EPB41: variants seen among roughly 807,000 people sequenced by gnomAD.
EPB41 encodes protein 4.1.
EPB41 carries 65 observed loss-of-function variants against 108.0 expected under a neutral mutation model. The ratio of observed to expected loss-of-function variants is 0.60; its 90% CI spans 0.49 to 0.74. The LOEUF (loss-of-function observed/expected upper bound fraction) is 0.74, where lower values mean the gene tolerates loss of function less well. Among genes scored for constraint, EPB41 ranks in the 30% least tolerant of loss-of-function variants. EPB41 has a pLI of 0.00. For synonymous variants in EPB41, 336 were observed against 358.9 expected (o/e 0.94, Z 0.72); for missense variants, 875 against 1,037.0 (o/e 0.84, Z 2.15).
intron 4 of EPB41, among the ~76,000 whole-genome samples, chr1:29,007,932 ATTTCT>A (rs2096435261): frequency 6.6e-6 from 1 of 152,104 alleles, no homozygotes; most frequent in African/African-American, 2.4e-5. Flanking sequence ...TCTGGTCCAA[ATTTCT>A]TTTCTGAGTG....
chr1:28,988,175 A>ATC, intron 2 of EPB41, among the ~76,000 whole-genome samples: 3 of 152,288 alleles, frequency 2.0e-5, no homozygotes, highest in Middle Eastern at 6.8e-3. Context: ...AGACAGGAGA[A>ATC]GTTGAACTCG....
At position 29,011,833 on chromosome 1, in the gene EPB41, C is replaced by T. The variant is rs148230602; in HGVS notation, c.787-32C>T. The T allele has an allele frequency of 3.1e-6, 5 of 1,613,462 alleles. No individual in the cohort carries two copies. The Admixed American group carries it at 8.3e-5, about 27-fold the overall frequency. On this transcript the variant is annotated intron_variant, in intron 4 of 20. Coordinates refer to ENST00000343067, the MANE Select transcript of EPB41 (RefSeq NM_001376013.1). Reference sequence around the variant, plus strand: ...ACTCTGTTGTTTATGTGTTTTGGAGCTCTGTGTGAATGCCTTTTCTCCTTT... The same window carrying T: ...ACTCTGTTGTTTATGTGTTTTGGAGTTCTGTGTGAATGCCTTTTCTCCTTT...
intron 5 of EPB41, among the ~76,000 whole-genome samples, chr1:29,014,491 TC>T (rs1424810964): frequency 6.6e-6 from 1 of 151,988 alleles, no homozygotes; most frequent in Admixed American, 6.6e-5. Flanking sequence ...CAGTTTTCGT[TC>T]CTGGAAGCAA....
At chr1:28,905,779 A>G (rs1212308802) in intron 1 of EPB41, among the ~76,000 whole-genome samples, 7 of 150,852 alleles carry the variant, frequency 4.6e-5, no homozygotes, top group Non-Finnish European at 1.0e-4. Context: ...ACTTATTTGC[A>G]GTCTCTCTTA....
At chr1:29,011,006 T>C (rs2096489864) in intron 4 of EPB41, among the ~76,000 whole-genome samples, 1 of 151,338 alleles carries the variant, frequency 6.6e-6, no homozygotes, top group African/African-American at 2.4e-5. Context: ...TAATCCCAGC[T>C]ACTCAGGAGG....
chr1:28,923,106 CTTTTCTTTT>C (rs954707969), intron 1 of EPB41, among the ~76,000 whole-genome samples: 7 of 114,712 alleles, frequency 6.1e-5, no homozygotes, highest in African/African-American at 2.6e-4. Context: ...CCTTTCTTTT[CTTTTCTTTT>C]TTTTTTTTTT....
chr1:28,908,459 T>C (rs1273210836), intron 1 of EPB41, among the ~76,000 whole-genome samples: 3 of 149,634 alleles, frequency 2.0e-5, no homozygotes, highest in Non-Finnish European at 4.4e-5. Flanking sequence ...TGAGATAGAG[T>C]CTTGCCCTGT....
At chr1:28,922,494 G>A (rs558266785) in intron 1 of EPB41, among the ~76,000 whole-genome samples, 10 of 152,028 alleles carry the variant, frequency 6.6e-5, no homozygotes, top group African/African-American at 2.4e-4. Context: ...GTGCAGTGGG[G>A]CAATCATGGC....
At chr1:28,974,137 T>C (rs1365213582) in intron 1 of EPB41, among the ~76,000 whole-genome samples, 1 of 152,208 alleles carries the variant, frequency 6.6e-6, no homozygotes, top group Non-Finnish European at 1.5e-5. Flanking sequence ...CTCTCTAAAA[T>C]AGATTGCTCA....
intron 16 of EPB41, among the ~76,000 whole-genome samples, chr1:29,090,030 A>G (rs1033816034): frequency 1.3e-5 from 2 of 152,094 alleles, no homozygotes; most frequent in African/African-American, 4.8e-5. Context: ...TTGGGAGGCT[A>G]TGGTGGGCAG....
chr1:28,939,160 G>A (rs1301261597), intron 1 of EPB41, among the ~76,000 whole-genome samples: 1 of 152,046 alleles, frequency 6.6e-6, no homozygotes, highest in East Asian at 1.9e-4. Context: ...ATCAGGTTGA[G>A]GAAATTCCTT....
chr1:29,079,757 G>A (rs990915858), intron 16 of EPB41, among the ~76,000 whole-genome samples: 6 of 152,152 alleles, frequency 3.9e-5, no homozygotes, highest in African/African-American at 1.4e-4. Flanking sequence ...CACTTTGGGA[G>A]GCTGAGGTGG....
intron 1 of EPB41, among the ~76,000 whole-genome samples, chr1:28,958,819 C>CAAAAAAA (rs35105287): frequency 1.5e-5 from 1 of 65,756 alleles, no homozygotes; most frequent in African/African-American, 5.8e-5. Flanking sequence ...ACCCTGTCTC[C>CAAAAAAA]AAAAAAAAAA....
At chr1:28,908,568 A>G (rs2147981683) in intron 1 of EPB41, among the ~76,000 whole-genome samples, 1 of 150,194 alleles carries the variant, frequency 6.7e-6, no homozygotes. Flanking sequence ...AGCAGCTGGG[A>G]TTACAGGCGT....
chr1:29,005,690 A>G (rs2096388266), intron 4 of EPB41, among the ~76,000 whole-genome samples: 1 of 152,180 alleles, frequency 6.6e-6, no homozygotes, highest in South Asian at 2.1e-4. Context: ...GGAGAAGATA[A>G]TAACAGATAT....
chr1:29,085,431 C>T (rs987040456), intron 16 of EPB41, among the ~76,000 whole-genome samples: 1 of 152,044 alleles, frequency 6.6e-6, no homozygotes, highest in African/African-American at 2.4e-5. Context: ...AGGCGTGAGC[C>T]ACCACACCTG....
intron 16 of EPB41, among the ~76,000 whole-genome samples, chr1:29,079,781 G>A (rs1324412876): frequency 6.6e-6 from 1 of 152,072 alleles, no homozygotes; most frequent in East Asian, 1.9e-4. Context: ...GATCACCTGA[G>A]GTCAGGAGTT....
chr1:28,938,460 T>A (rs1418879258), intron 1 of EPB41, among the ~76,000 whole-genome samples: 1 of 152,192 alleles, frequency 6.6e-6, no homozygotes, highest in African/African-American at 2.4e-5. Context: ...TTATTTTGCA[T>A]GCTAAATGGA....
At chr1:29,087,163 C>T (rs920095193) in intron 16 of EPB41, among the ~76,000 whole-genome samples, 24 of 151,632 alleles carry the variant, frequency 1.6e-4, no homozygotes, top group Admixed American at 3.9e-4. Context: ...GGATGGTCTC[C>T]ATCTCCTGAC....
Sources: allele counts gnomAD v4.1 joint callset (sites outside exome capture counted in the v4.1 genomes callset), GRCh38; gene constraint gnomAD v4.1.1; transcripts MANE v1.5; gene names NCBI Gene and HGNC (gene_info 2026-07-23, HGNC 2026-07-21).